The following TJP2 variants were observed in gnomAD, a reference collection of about 807,000 sequenced individuals.
TJP2 encodes tight junction protein 2, also known as Friedreich ataxia region gene X104 (tight junction protein ZO-2).
A neutral mutation model predicts 133.1 loss-of-function variants in TJP2; 91 were observed. That is an observed-to-expected ratio of 0.68 (90% CI 0.58 to 0.81). The LOEUF is 0.81. Among genes scored for constraint, TJP2 ranks in the 40% least tolerant of loss-of-function variants. The pLI is 0.00. For missense variants in TJP2, 1,541 were observed against 1,565.6 expected, an observed-to-expected ratio of 0.98 and a Z score of 0.26; for synonymous variants, 592 against 583.4, an observed-to-expected ratio of 1.01 and a Z score of -0.21.
At chr9:69,200,297 C>T (rs1194879479) in intron 1 of TJP2, among the ~76,000 whole-genome samples, 1 of 152,200 alleles carries the variant, frequency 6.6e-6, no homozygotes, top group Non-Finnish European at 1.5e-5. Flanking sequence ...AGGGAGCCTC[C>T]CTGTGGTTGG....
chr9:69,163,698 C>T (rs1824207425), intron 2 of TJP2, among the ~76,000 whole-genome samples: 1 of 151,880 alleles, frequency 6.6e-6, no homozygotes. Flanking sequence ...AACTCAAATC[C>T]CTGAGCTCAA....
chr9:69,134,267 G>A (rs1327725822), intron 1 of TJP2, among the ~76,000 whole-genome samples: 1 of 152,220 alleles, frequency 6.6e-6, no homozygotes, highest in Non-Finnish European at 1.5e-5. Context: ...CAGCAAAATA[G>A]GTCTCTGCCC....
chr9:69,229,238 A>T lies in TJP2; in HGVS notation c.1508A>T (p.Glu503Val), dbSNP rs1436073690. The T allele has an allele frequency of 6.2e-7, 1 of 1,613,938 alleles. No individual in the cohort carries two copies. Among genetic ancestry groups the T allele is most frequent in the Non-Finnish European group, 8.5e-7 (1 of 1,179,970 alleles). Residue 503 changes from glutamate to valine, a missense_variant, in exon 10 of 23, where the codon GAA becomes GTA. Coordinates refer to ENST00000377245, the MANE Select transcript of TJP2 (RefSeq NM_004817.4). ...RTFLRPSPED[E>V]AIYGPNTKMV... ...TTTCTTCGTCCTAGTCCTGAAGATG[A>T]AGCAATATATGGGTATGTATTTCCG...
intron 5 of TJP2, 58 bp downstream of exon 5, chr9:69,221,554 T>C: frequency 2.6e-6 from 4 of 1,557,010 alleles, no homozygotes; most frequent in Non-Finnish European, 3.5e-6. Context: ...ACCTTTGTTT[T>C]CTTAATTTTT....
At chr9:69,204,150 G>C (rs1039206949) in intron 1 of TJP2, among the ~76,000 whole-genome samples, 2 of 152,162 alleles carry the variant, frequency 1.3e-5, no homozygotes, top group African/African-American at 4.8e-5. Context: ...ACAGCTAAGT[G>C]ACAGGACAAG....
chr9:69,177,278 G>A (rs1308955403), intron 1 of TJP2, among the ~76,000 whole-genome samples: 3 of 152,190 alleles, frequency 2.0e-5, no homozygotes, highest in Non-Finnish European at 4.4e-5. Flanking sequence ...GGGAGTGGAG[G>A]GAAGCAGAAC....
In TJP2 at chr9:69,237,912, C is replaced by T; in HGVS notation, c.2214C>T (p.Pro738=). ...AGAGACCTGTGGTCTTATTCGGCCC[C>T]ATAGCTGATATAGCAATGGAAAAAT... ...GFKRPVVLFG[P]IADIAMEKLA... Residue 738 remains proline, a synonymous_variant, in exon 15 of 23, where the codon CCC becomes CCT. Transcript: ENST00000377245. 1.2e-6 allele frequency: 2 copies of T among 1,613,922 alleles called. No individual in the cohort carries two copies. Among genetic ancestry groups the T allele is most frequent in the Non-Finnish European group, 1.7e-6 (2 of 1,179,906 alleles).
At chr9:69,182,621 T>A (rs1195016534) in intron 1 of TJP2, among the ~76,000 whole-genome samples, 1 of 152,156 alleles carries the variant, frequency 6.6e-6, no homozygotes, top group Non-Finnish European at 1.5e-5. Flanking sequence ...ATTTGCCTGG[T>A]ATGTTTCCAT....
chr9:69,122,434 T>C (rs1822187364), intron 1 of TJP2, among the ~76,000 whole-genome samples: 1 of 152,106 alleles, frequency 6.6e-6, no homozygotes, highest in Non-Finnish European at 1.5e-5. Context: ...AAAACGGGGA[T>C]CTCCTCCGCC....
At chr9:69,224,903 T>C (rs1235584080) in intron 5 of TJP2, among the ~76,000 whole-genome samples, 1 of 152,148 alleles carries the variant, frequency 6.6e-6, no homozygotes, top group Non-Finnish European at 1.5e-5. Flanking sequence ...TTCAGAGGTA[T>C]CTTCCAAAGA....
intron 1 of TJP2, among the ~76,000 whole-genome samples, chr9:69,194,149 C>G (rs1826391204): frequency 6.6e-6 from 1 of 152,186 alleles, no homozygotes; most frequent in African/African-American, 2.4e-5. Flanking sequence ...AAGGAATTCA[C>G]AGTCTTCCTC....
At chr9:69,139,984 G>A (rs73647090) in intron 1 of TJP2, among the ~76,000 whole-genome samples, 2,930 of 152,266 alleles carry the variant, frequency 0.019, 100 homozygotes, top group African/African-American at 0.066. Context: ...GACCGCTGCC[G>A]TGAGCGTTGG....
At position 69,216,388 on chromosome 9, in the gene TJP2, C is replaced by T; in HGVS notation, c.164C>T (p.Pro55Leu). Residue 55 changes from proline (P) to leucine (L), a missense_variant, in exon 3 of 23, where the codon CCC (proline) becomes CTC (leucine). Pro to Leu is a moderately conservative substitution (Grantham distance 98). Coordinates refer to ENST00000377245, the MANE Select transcript of TJP2 (RefSeq NM_004817.4). ...GIAVSGGRDN[P>L]HFENGETSIV... ...GCAGTGTCCGGAGGCAGAGACAACC[C>T]CCACTTTGAAAATGGAGAAACGTCA... 1 of 1,614,030 alleles carries T rather than the reference C, an allele frequency of 6.2e-7. No homozygotes were observed. The highest frequency in any genetic ancestry group is 1.1e-5 in the South Asian group (1 of 91,066).
rs1464214705 is a variant in TJP2 at position 69,189,924 on chromosome 9, G to A, written c.60+15492G>A. ...AGATCGAGATCATCCTGGCTAACACGGTGAAACCCCGTCTGTACTAAAAAT... is the reference window on the plus strand; with the variant it reads ...AGATCGAGATCATCCTGGCTAACACAGTGAAACCCCGTCTGTACTAAAAAT... On this transcript the variant is annotated intron_variant, in intron 1 of 22. Transcript: ENST00000377245. Among the ~76,000 whole-genome samples, 7 of 110,834 alleles carry A rather than the reference G, an allele frequency of 6.3e-5. 3 individuals are homozygous for A. Among genetic ancestry groups the A allele is most frequent in the Non-Finnish European group, 1.0e-4 (5 of 49,432 alleles). The allele number at this position is 110,834 out of a possible 152,430, so 72.7% of individuals were successfully genotyped here. A position where few individuals can be genotyped will look rare whatever the true frequency, so the allele number is the denominator to read the frequency against.
At chr9:69,152,625 A>G (rs1823528559) in intron 2 of TJP2, among the ~76,000 whole-genome samples, 1 of 151,982 alleles carries the variant, frequency 6.6e-6, no homozygotes, top group Non-Finnish European at 1.5e-5. Context: ...CAGATCCTTC[A>G]TCTGTAAAAA....
At chr9:69,159,799 C>A (rs1221649558) in intron 2 of TJP2, among the ~76,000 whole-genome samples, 5 of 151,246 alleles carry the variant, frequency 3.3e-5, no homozygotes, top group African/African-American at 1.2e-4. Context: ...TCACTTGAAC[C>A]CGGGTGGCAG....
chr9:69,235,944 C>G (rs1371103989), intron 12 of TJP2, 84 bp from the exon 13 acceptor site: 1 of 1,293,388 alleles, frequency 7.7e-7, no homozygotes, highest in East Asian at 2.3e-5. Flanking sequence ...AAGGGGAGAT[C>G]AGAGATAGGA....
chr9:69,132,593 C>T (rs373348605), intron 1 of TJP2, among the ~76,000 whole-genome samples: 3 of 152,302 alleles, frequency 2.0e-5, no homozygotes, highest in African/African-American at 7.2e-5. Flanking sequence ...GTTCAAAGTC[C>T]TGTGCATTCA....
intron 1 of TJP2, among the ~76,000 whole-genome samples, chr9:69,136,846 A>AC (rs1225705502): frequency 6.6e-6 from 1 of 151,760 alleles, no homozygotes; most frequent in Non-Finnish European, 1.5e-5. Context: ...CTTGTCATGA[A>AC]CTCCACATTT....
Sources: allele counts gnomAD v4.1 joint callset (sites outside exome capture counted in the v4.1 genomes callset), GRCh38; gene constraint gnomAD v4.1.1; transcripts MANE v1.5; gene names NCBI Gene and HGNC (gene_info 2026-07-23, HGNC 2026-07-21).